The following AIM2 variants were observed in gnomAD, a reference collection of about 807,000 sequenced individuals.
AIM2 encodes interferon-inducible protein AIM2.
Under a neutral mutation model 27.7 loss-of-function variants are expected in AIM2, and 30 were observed. That is an observed-to-expected ratio of 1.08 (90% CI 0.81 to 1.47). The LOEUF is 1.47. Ranked by LOEUF, AIM2 falls within the 40% of genes most tolerant of loss-of-function variation. AIM2 has a pLI of 0.00. For missense variants in AIM2, 358 were observed against 411.3 expected (o/e 0.87, Z 1.12); for synonymous variants, 141 against 145.3 (o/e 0.97, Z 0.21).
At chr1:159,087,470 AC>A (rs1366497774) in intron 1 of AIM2, among the ~76,000 whole-genome samples, 1 of 152,110 alleles carries the variant, frequency 6.6e-6, no homozygotes, top group Non-Finnish European at 1.5e-5. Flanking sequence ...TTTATAGCCC[AC>A]CATTTATATT....
At chr1:159,132,718 A>C (rs1647921493) in intron 1 of AIM2, among the ~76,000 whole-genome samples, 1 of 152,216 alleles carries the variant, frequency 6.6e-6, no homozygotes, top group Non-Finnish European at 1.5e-5. Context: ...CGAGCTGGAC[A>C]TACAAATTAA....
chr1:159,141,410 G>A (rs894410033), upstream of AIM2, among the ~76,000 whole-genome samples: 10 of 152,154 alleles, frequency 6.6e-5, no homozygotes, highest in African/African-American at 2.4e-4. Flanking sequence ...GCAGACATCT[G>A]AGCCTCTACT....
At position 159,115,414 on chromosome 1, in the gene AIM2, C is replaced by T. The variant is rs537060460; in HGVS notation, c.-16+25017G>A. ...CAAAAGAACAAAGCTGGAGGCATCACGCTACCTGACTTCAAACTATACTAC... is the reference window on the plus strand; with the variant it reads ...CAAAAGAACAAAGCTGGAGGCATCATGCTACCTGACTTCAAACTATACTAC... On this transcript the variant is annotated intron_variant, in intron 1 of 2. Transcript: ENST00000368129. Among the ~76,000 whole-genome samples the T allele has an allele frequency of 9.9e-5, 15 of 152,254 alleles. No individual in the cohort carries two copies. The South Asian group carries it at 1.9e-3, about 19-fold the overall frequency.
At chr1:159,126,324 G>C (rs913270724) in intron 1 of AIM2, among the ~76,000 whole-genome samples, 3 of 152,046 alleles carry the variant, frequency 2.0e-5, no homozygotes, top group African/African-American at 7.2e-5. Flanking sequence ...AAAGTCTCTG[G>C]TATTATCAGT....
the AIM2 span, among the ~76,000 whole-genome samples, chr1:159,055,717 A>G: frequency 1.3e-5 from 2 of 152,266 alleles, no homozygotes. Flanking sequence ...TTTATTCAGA[A>G]TAGAATAGCA....
chr1:159,104,509 TTC>T (rs1408503275), intron 1 of AIM2, among the ~76,000 whole-genome samples: 1 of 152,244 alleles, frequency 6.6e-6, no homozygotes, highest in African/African-American at 2.4e-5. Context: ...AATGAAATAT[TTC>T]TGATTAAAAT....
At chr1:159,097,954 C>A (rs1657214627) in intron 1 of AIM2, among the ~76,000 whole-genome samples, 1 of 152,080 alleles carries the variant, frequency 6.6e-6, no homozygotes, top group African/African-American at 2.4e-5. Context: ...TTTTGTACAC[C>A]TCCAGAGAAT....
At chr1:159,105,579 A>C (rs1459678504) in intron 1 of AIM2, among the ~76,000 whole-genome samples, 1 of 152,184 alleles carries the variant, frequency 6.6e-6, no homozygotes, top group East Asian at 1.9e-4. Context: ...TGGGAGACCC[A>C]AAGTGGGTAG....
At position 159,065,986 on chromosome 1, in the gene AIM2, C is replaced by T; in HGVS notation, c.740G>A (p.Gly247Asp). The change falls in exon 4 of 6, where the codon GGT becomes GAT. Residue 247 changes from glycine (G) to aspartate (D), a missense_variant. By Grantham distance (94) the Gly-to-Asp change is moderately conservative. Coordinates refer to ENST00000368130, the MANE Select transcript of AIM2 (RefSeq NM_004833.3). ...NVPLNIIRKA[G>D]ETPKINTLQT... ...AAGCGTGTTGATCTTCGGGGTTTCA[C>T]CAGCTTTTCTGATAATGTTCAGCGG... The T allele has an allele frequency of 1.9e-6, 3 of 1,611,272 alleles. No individual in the cohort carries two copies. Among genetic ancestry groups the T allele is most frequent in the East Asian group, 2.2e-5 (1 of 44,774 alleles).
intron 1 of AIM2, chr1:159,123,637 T>C (rs568833291): frequency 6.6e-6 from 1 of 152,356 alleles, no homozygotes; most frequent in African/African-American, 2.4e-5. Context: ...TTAGTGAATT[T>C]GCTTCACAAT....
chr1:159,126,110 G>T (rs770815429), intron 1 of AIM2, among the ~76,000 whole-genome samples: 3 of 152,148 alleles, frequency 2.0e-5, no homozygotes, highest in Non-Finnish European at 2.9e-5. Context: ...TGAATCTCTT[G>T]TTTTCTGACA....
chr1:159,061,687 G>A (rs888471889), downstream of AIM2, among the ~76,000 whole-genome samples: 7 of 151,012 alleles, frequency 4.6e-5, no homozygotes, highest in East Asian at 1.9e-4. Context: ...TTACAGGTGT[G>A]AGCCACCGTG....
intron 1 of AIM2, among the ~76,000 whole-genome samples, chr1:159,135,643 T>C (rs538271307): frequency 0.019 from 2,947 of 152,290 alleles, 103 homozygotes; most frequent in African/African-American, 0.068. Context: ...AGTTTCATGC[T>C]CCCTCAAAAT....
chr1:159,105,722 G>A (rs572008482), intron 1 of AIM2, among the ~76,000 whole-genome samples: 4 of 152,272 alleles, frequency 2.6e-5, no homozygotes, highest in African/African-American at 4.8e-5. Context: ...AGCTCCTTCC[G>A]CAGCTAGTAG....
At chr1:159,126,644 G>A (rs1020476181) in intron 1 of AIM2, among the ~76,000 whole-genome samples, 14 of 68,786 alleles carry the variant, frequency 2.0e-4, no homozygotes, top group African/African-American at 5.1e-4. Context: ...GCGAGACTAC[G>A]TCTCAAAAAA....
intron 1 of AIM2, among the ~76,000 whole-genome samples, chr1:159,134,717 A>G (rs558738988): frequency 2.0e-5 from 3 of 152,222 alleles, no homozygotes; most frequent in Admixed American, 6.5e-5. Flanking sequence ...CTGTAATCCC[A>G]GTTACTCGGG....
At chr1:159,062,145 T>A (rs1258578741), downstream of AIM2, among the ~76,000 whole-genome samples, 1 of 152,226 alleles carries the variant, frequency 6.6e-6, no homozygotes, top group Non-Finnish European at 1.5e-5. Context: ...TAGTTTTGGC[T>A]CTCTAGTTTT....
intron 1 of AIM2, among the ~76,000 whole-genome samples, chr1:159,131,662 T>C (rs1647888880): frequency 6.6e-6 from 1 of 152,202 alleles, no homozygotes; most frequent in Non-Finnish European, 1.5e-5. Flanking sequence ...TTCATTTCAG[T>C]TGGAGAACCT....
chr1:159,141,943 G>C (rs1648122673), upstream of AIM2, among the ~76,000 whole-genome samples: 1 of 152,162 alleles, frequency 6.6e-6, no homozygotes, highest in South Asian at 2.1e-4. Context: ...CAGAACTAGA[G>C]CCTTTGCTCT....
Sources: gnomAD v4.1 joint callset for allele counts (sites outside exome capture counted in the v4.1 genomes callset) on GRCh38, gnomAD v4.1.1 for gene constraint, MANE v1.5 for transcripts, NCBI Gene and HGNC (gene_info 2026-07-23, HGNC 2026-07-21) for gene names.